SH3PXD2A: variants seen among roughly 807,000 people sequenced by gnomAD.
SH3PXD2A encodes SH3 and PX domains 2A, also known as SH3 and PX domain-containing protein 2A.
A neutral mutation model predicts 115.2 loss-of-function variants in SH3PXD2A; 32 were observed. The ratio of observed to expected loss-of-function variants is 0.28; its 90% confidence interval spans 0.21 to 0.37. The LOEUF is 0.37. Among genes scored for constraint, SH3PXD2A ranks in the 10% least tolerant of loss-of-function variants. The probability of loss-of-function intolerance (pLI) is 1.00; values close to 1 mark genes in which losing one functional copy is unlikely to be tolerated. For synonymous variants in SH3PXD2A, 610 were observed against 629.1 expected (o/e 0.97, Z 0.45); for missense variants, 1,328 against 1,498.7 (o/e 0.89, Z 1.88).
chr10:103,621,113 G>A (rs2036596730), intron 10 of SH3PXD2A, among the ~76,000 whole-genome samples: 2 of 152,162 alleles, frequency 1.3e-5, no homozygotes, highest in South Asian at 2.1e-4. Context: ...ATGTGACAGG[G>A]CGCACAGTCG....
Position 103,661,322 on chromosome 10 carries a change from TC to T in SH3PXD2A, c.473-209del, listed in dbSNP as rs2037297520. Among the ~76,000 whole-genome samples the T allele has an allele frequency of 2.0e-5, 3 of 150,298 alleles. No homozygotes were observed. In the South Asian group the frequency reaches 6.4e-4, roughly 32 times the overall value. On this transcript the variant is annotated intron_variant, in intron 7 of 14. Transcript: ENST00000369774. Reference sequence around the variant, plus strand: ...CAGACCGGCCCGCTGCACCGCGGGGTCCGGGGGACATGGGGAGCCAGGGGGC... The same window carrying T: ...CAGACCGGCCCGCTGCACCGCGGGGTCGGGGGACATGGGGAGCCAGGGGGC...
At chr10:103,632,892 T>G (rs909837841) in intron 8 of SH3PXD2A, among the ~76,000 whole-genome samples, 1 of 152,120 alleles carries the variant, frequency 6.6e-6, no homozygotes, top group African/African-American at 2.4e-5. Flanking sequence ...GGAGAATCGC[T>G]TGAACCTGGA....
chr10:103,744,269 T>C (rs1347927394), intron 3 of SH3PXD2A, among the ~76,000 whole-genome samples: 1 of 151,862 alleles, frequency 6.6e-6, no homozygotes, highest in Admixed American at 6.6e-5. Flanking sequence ...TTCTCCTGCC[T>C]CAGCCTCCCT....
At chr10:103,854,287 G>A (rs543552995) in intron 1 of SH3PXD2A, among the ~76,000 whole-genome samples, 43 of 152,284 alleles carry the variant, frequency 2.8e-4, no homozygotes, top group African/African-American at 9.1e-4. Flanking sequence ...CAAATAACAT[G>A]CAGTCCTCTG....
At chr10:103,670,824 C>G (rs139140359) in intron 6 of SH3PXD2A, among the ~76,000 whole-genome samples, 1 of 152,338 alleles carries the variant, frequency 6.6e-6, no homozygotes, top group Non-Finnish European at 1.5e-5. Flanking sequence ...AGGGCCTCCA[C>G]AAGGATTTAA....
At chr10:103,831,061 G>A (rs1327914283) in intron 1 of SH3PXD2A, among the ~76,000 whole-genome samples, 1 of 152,168 alleles carries the variant, frequency 6.6e-6, no homozygotes, top group Non-Finnish European at 1.5e-5. Flanking sequence ...GTGTTTGCAT[G>A]CTTTTACTAC....
intron 13 of SH3PXD2A, among the ~76,000 whole-genome samples, chr10:103,608,191 C>T (rs1430991465): frequency 1.0e-5 from 1 of 97,622 alleles, no homozygotes; most frequent in Non-Finnish European, 2.1e-5. Flanking sequence ...CAGAGGCAGA[C>T]CCACCAGCAG....
intron 11 of SH3PXD2A, among the ~76,000 whole-genome samples, chr10:103,615,465 C>T (rs897709316): frequency 3.0e-5 from 4 of 133,090 alleles, no homozygotes; most frequent in East Asian, 2.3e-4. Flanking sequence ...CTGGAAAGGG[C>T]GCGATGGAGA....
intron 4 of SH3PXD2A, among the ~76,000 whole-genome samples, chr10:103,732,156 C>T (rs942419772): frequency 4.6e-5 from 7 of 152,278 alleles, no homozygotes; most frequent in Admixed American, 3.3e-4. Flanking sequence ...CCTCTCTGAA[C>T]CCCTCCCTAG....
chr10:103,795,803 C>G (rs901011711), intron 2 of SH3PXD2A, among the ~76,000 whole-genome samples: 2 of 151,672 alleles, frequency 1.3e-5, no homozygotes, highest in African/African-American at 4.9e-5. Context: ...TGTCCCAGAG[C>G]TGGCACACCG....
chr10:103,647,413 A>G (rs1334630767), intron 8 of SH3PXD2A, among the ~76,000 whole-genome samples: 1 of 152,100 alleles, frequency 6.6e-6, no homozygotes, highest in East Asian at 1.9e-4. Flanking sequence ...GGGAGTGGAG[A>G]GACCAGGGTG....
intron 2 of SH3PXD2A, among the ~76,000 whole-genome samples, chr10:103,770,153 A>C (rs1164394135): frequency 1.3e-5 from 2 of 152,200 alleles, no homozygotes; most frequent in Non-Finnish European, 2.9e-5. Flanking sequence ...TGAACCCATC[A>C]ATACTTTCAC....
chr10:103,666,966 C>A lies in SH3PXD2A; in HGVS notation c.472+1642G>T, dbSNP rs2037391164. 6.6e-6 allele frequency among the ~76,000 whole-genome samples: 1 copy of A among 152,150 alleles called. No homozygotes were observed. The highest frequency in any genetic ancestry group is 2.1e-4 in the South Asian group (1 of 4,836). ...ACCTTCAGCAGGTAACGGGTACTTG[C>A]CAGCTGGATTGAGAGGCAGCTCAGA... On this transcript the variant is annotated intron_variant, in intron 7 of 14. Transcript: ENST00000369774. This position sits in a 1 kb window ranked among gnomAD's most constrained non-coding sequence, Gnocchi z 4.5.
chr10:103,796,398 AAGAG>A (rs1425765809), intron 2 of SH3PXD2A, among the ~76,000 whole-genome samples: 3 of 148,476 alleles, frequency 2.0e-5, no homozygotes, highest in East Asian at 2.0e-4. Context: ...AAAAAAAAAA[AAGAG>A]AGAGAGAGAG....
Position 103,603,028 on chromosome 10 carries a change from G to A in SH3PXD2A, c.2190C>T (p.Gly730=), listed in dbSNP as rs1370118984. The A allele has an allele frequency of 6.2e-7, 1 of 1,614,050 alleles. No homozygotes were observed. Among genetic ancestry groups the A allele is most frequent in the Non-Finnish European group, 8.5e-7 (1 of 1,180,038 alleles). The change falls in exon 15 of 15, where the codon GGC becomes GGT. Residue 730 remains glycine (G), a synonymous_variant. Coordinates refer to ENST00000369774, the MANE Select transcript of SH3PXD2A (RefSeq NM_001394015.1). ...PRSASDAGIR[G]TPKVRAKKDA... ...CCTTCTTTGCCCTGACCTTGGGAGT[G>A]CCGCGGATGCCTGCGTCCGAAGCAG... is the stretch of plus-strand genomic sequence containing the variant.
intron 6 of SH3PXD2A, among the ~76,000 whole-genome samples, chr10:103,671,512 T>C (rs2037459135): frequency 6.6e-6 from 1 of 152,292 alleles, no homozygotes; most frequent in South Asian, 2.1e-4. Context: ...AAACATGATT[T>C]ATTTCCCAGT....
intron 3 of SH3PXD2A, among the ~76,000 whole-genome samples, chr10:103,753,515 A>G (rs965232641): frequency 6.6e-6 from 1 of 150,394 alleles, no homozygotes; most frequent in African/African-American, 2.4e-5. Flanking sequence ...AAAAAAAAAA[A>G]AAAGAATAGT....
intron 1 of SH3PXD2A, among the ~76,000 whole-genome samples, chr10:103,801,992 C>G (rs1048461647): frequency 2.0e-5 from 3 of 152,226 alleles, no homozygotes; most frequent in Admixed American, 6.5e-5. Context: ...GCATGAGCCA[C>G]CACGCCTGGC....
At chr10:103,657,458 G>A (rs1592285746) in intron 8 of SH3PXD2A, among the ~76,000 whole-genome samples, 1 of 152,332 alleles carries the variant, frequency 6.6e-6, no homozygotes, top group African/African-American at 2.4e-5. Context: ...TTATGTCAAG[G>A]GTAGAGGGGT....
Sources: allele counts gnomAD v4.1 joint callset (sites outside exome capture counted in the v4.1 genomes callset), GRCh38; gene constraint gnomAD v4.1.1; non-coding constraint Gnocchi (gnomAD v3.1); transcripts MANE v1.5; gene names NCBI Gene and HGNC (gene_info 2026-07-23, HGNC 2026-07-21).